VPS13B: variants seen among roughly 807,000 people sequenced by gnomAD.
The protein encoded by VPS13B is intermembrane lipid transfer protein VPS13B.
VPS13B carries 285 observed loss-of-function variants against 426.4 expected under a neutral mutation model. The observed-to-expected ratio is 0.67, with a 90% CI of 0.61 to 0.74. The LOEUF (loss-of-function observed/expected upper bound fraction) is 0.74. VPS13B is among the 30% of genes least tolerant of loss of function. The pLI is 0.00. For missense variants in VPS13B, 4,537 were observed against 4,782.6 expected (o/e 0.95, Z 1.51); for synonymous variants, 1,676 against 1,676.4 (o/e 1.00, Z 0.01).
intron 46 of VPS13B, 29 bp downstream of exon 46, chr8:99,818,563 G>A: frequency 6.2e-7 from 1 of 1,611,254 alleles, no homozygotes; most frequent in East Asian, 2.2e-5. Flanking sequence ...CTAAAATATG[G>A]TATATGACTC....
intron 54 of VPS13B, among the ~76,000 whole-genome samples, chr8:99,844,152 A>G (rs899640771): frequency 6.6e-6 from 1 of 152,110 alleles, no homozygotes; most frequent in Non-Finnish European, 1.5e-5. Flanking sequence ...TTGAGGCTTT[A>G]TCTTAGTCTG....
At chr8:99,692,231 AG>A (rs753880525) in intron 35 of VPS13B, among the ~76,000 whole-genome samples, 70 of 148,636 alleles carry the variant, frequency 4.7e-4, no homozygotes, top group Non-Finnish European at 9.0e-4. Context: ...CCAAATCAAC[AG>A]AATATACATT....
intron 3 of VPS13B, among the ~76,000 whole-genome samples, chr8:99,086,827 C>G (rs1348060664): frequency 6.6e-6 from 1 of 152,152 alleles, no homozygotes; most frequent in Non-Finnish European, 1.5e-5. Flanking sequence ...AGCTTTGTCT[C>G]AGAGGAGTAC....
intron 21 of VPS13B, among the ~76,000 whole-genome samples, chr8:99,423,249 A>G (rs1237985236): frequency 6.6e-6 from 1 of 151,876 alleles, no homozygotes; most frequent in African/African-American, 2.4e-5. Flanking sequence ...ATTTTATAGA[A>G]AAAGTATGTG....
chr8:99,413,307 AT>A (rs1815800725), intron 21 of VPS13B, among the ~76,000 whole-genome samples: 1 of 152,016 alleles, frequency 6.6e-6, no homozygotes, highest in Non-Finnish European at 1.5e-5. Context: ...ATGTCCACAA[AT>A]TTGTCCATTT....
intron 5 of VPS13B, among the ~76,000 whole-genome samples, chr8:99,108,926 G>A (rs1411283285): frequency 1.3e-5 from 2 of 152,164 alleles, no homozygotes; most frequent in African/African-American, 4.8e-5. Context: ...AACAGTTTGT[G>A]AATATTGGTA....
At chr8:99,769,262 G>T (rs1811370345) in intron 40 of VPS13B, among the ~76,000 whole-genome samples, 1 of 152,098 alleles carries the variant, frequency 6.6e-6, no homozygotes, top group East Asian at 1.9e-4. Context: ...TGATATTAAT[G>T]AAATTAAATT....
intron 57 of VPS13B, among the ~76,000 whole-genome samples, chr8:99,860,546 C>A (rs1438803612): frequency 6.6e-6 from 1 of 152,164 alleles, no homozygotes; most frequent in Non-Finnish European, 1.5e-5. Flanking sequence ...GTTTTTTACA[C>A]TTGTTCTTTT....
intron 31 of VPS13B, 43 bp downstream of exon 31, chr8:99,556,696 A>G: frequency 1.9e-6 from 3 of 1,591,748 alleles, no homozygotes; most frequent in Non-Finnish European, 2.6e-6. Context: ...CTAATACTTC[A>G]TTGCCAGAAT....
intron 40 of VPS13B, among the ~76,000 whole-genome samples, chr8:99,774,565 T>G (rs1811653036): frequency 6.6e-6 from 1 of 152,168 alleles, no homozygotes; most frequent in Non-Finnish European, 1.5e-5. Context: ...CTATAATTGG[T>G]CAGAAAAATG....
chr8:99,270,860 G>T (rs117956429), intron 17 of VPS13B, among the ~76,000 whole-genome samples: 1,680 of 152,258 alleles, frequency 0.011, 12 homozygotes, highest in Admixed American at 0.017. Context: ...TTGGAACAGG[G>T]TAAGTTATCT....
intron 33 of VPS13B, among the ~76,000 whole-genome samples, chr8:99,594,375 T>C (rs1012726435): frequency 9.9e-5 from 15 of 151,994 alleles, no homozygotes; most frequent in African/African-American, 3.6e-4. Context: ...GGGGTTGTTG[T>C]AGAGATTAAT....
intron 19 of VPS13B, among the ~76,000 whole-genome samples, chr8:99,284,497 A>C (rs991907064): frequency 6.6e-6 from 1 of 152,192 alleles, no homozygotes; most frequent in African/African-American, 2.4e-5. Flanking sequence ...TTTTGGGTTC[A>C]GCTTCATCCA....
intron 23 of VPS13B, among the ~76,000 whole-genome samples, chr8:99,457,923 T>C (rs941330396): frequency 3.3e-5 from 5 of 152,230 alleles, no homozygotes; most frequent in African/African-American, 4.8e-5. Context: ...ATTTCTTTTT[T>C]TTATATATAT....
intron 5 of VPS13B, among the ~76,000 whole-genome samples, chr8:99,103,563 A>G (rs1450045624): frequency 1.5e-5 from 2 of 136,350 alleles, no homozygotes; most frequent in Non-Finnish European, 3.0e-5. Context: ...CAGTGGCTCA[A>G]TCTCGGCTCA....
chr8:99,044,392 C>A (rs374654634), intron 3 of VPS13B, among the ~76,000 whole-genome samples: 1 of 138,652 alleles, frequency 7.2e-6, no homozygotes, highest in Non-Finnish European at 1.6e-5. Context: ...CTCTTTTTTT[C>A]TTTTTTAAAA....
chr8:99,706,515 A>G (rs1563874081), intron 36 of VPS13B, among the ~76,000 whole-genome samples: 1 of 152,190 alleles, frequency 6.6e-6, no homozygotes, highest in Admixed American at 6.5e-5. Context: ...CCTTCTAATG[A>G]GAAATCCAGT....
At chr8:99,418,266 C>T (rs1288519866) in intron 21 of VPS13B, among the ~76,000 whole-genome samples, 1 of 151,438 alleles carries the variant, frequency 6.6e-6, no homozygotes, top group Non-Finnish European at 1.5e-5. Flanking sequence ...AATTTTCCAT[C>T]CCTCCCTCCT....
intron 23 of VPS13B, among the ~76,000 whole-genome samples, chr8:99,450,920 C>G (rs1395976816): frequency 6.6e-6 from 1 of 152,000 alleles, no homozygotes; most frequent in Non-Finnish European, 1.5e-5. Context: ...AGATTATATA[C>G]TCAAACCTTT....
Sources: gnomAD v4.1 joint callset for allele counts (sites outside exome capture counted in the v4.1 genomes callset) on GRCh38, gnomAD v4.1.1 for gene constraint, MANE v1.5 for transcripts, NCBI Gene and HGNC (gene_info 2026-07-23, HGNC 2026-07-21) for gene names.